Variants in TNFRSF10D observed in about 807,000 individuals in gnomAD.
TNFRSF10D encodes TNF receptor superfamily member 10d.
In TNFRSF10D, 28 loss-of-function variants were observed where a neutral mutation model predicts 42.1. That is an observed-to-expected ratio of 0.66 (90% confidence interval 0.49 to 0.91). The LOEUF is 0.91. Ranked by LOEUF, TNFRSF10D falls within the 40% of genes least tolerant of loss-of-function variation. TNFRSF10D has a pLI of 0.00. For missense variants in TNFRSF10D, 503 were observed against 486.1 expected (o/e 1.03, Z -0.33); for synonymous variants, 186 against 189.4 (o/e 0.98, Z 0.15).
intron 1 of TNFRSF10D, among the ~76,000 whole-genome samples, chr8:23,156,613 G>A (rs1428887406): frequency 6.7e-6 from 1 of 149,350 alleles, no homozygotes; most frequent in Admixed American, 6.7e-5. Context: ...CATCCAGGTT[G>A]GAGTGCAGTG....
In TNFRSF10D at chr8:23,138,023, T is replaced by G; in HGVS notation, c.1028-20A>C. ...TGCTGACTGAGAAGAGAGAAGAGAT[T>G]TAGGGTCTCAATGCTCCAAGGACGA... is the stretch of plus-strand genomic sequence containing the variant. On this transcript the variant is annotated intron_variant, in intron 8 of 8. Coordinates refer to ENST00000312584, the MANE Select transcript of TNFRSF10D (RefSeq NM_003840.5). 6.2e-7 allele frequency: 1 copy of G among 1,613,548 alleles called. No homozygotes were observed.
chr8:23,148,500 A>T lies in TNFRSF10D; in HGVS notation c.308T>A (p.Val103Glu). 10 of 1,611,314 alleles carry T rather than the reference A, an allele frequency of 6.2e-6. No individual in the cohort carries two copies. The highest frequency in any genetic ancestry group is 8.5e-6 in the Non-Finnish European group (10 of 1,178,168). The change falls in exon 3 of 9, where the codon GTG becomes GAG. Residue 103 changes from valine to glutamate, a missense_variant. By Grantham distance (121) the Val-to-Glu change is moderately radical. Coordinates refer to ENST00000312584, the MANE Select transcript of TNFRSF10D (RefSeq NM_003840.5). ...TGACNPCTEGVDYTIASNNLP... is the reference protein window; with the variant it reads ...TGACNPCTEGEDYTIASNNLP... Reference sequence around the variant, plus strand: ...ATTGTTGGAAGCAATGGTGTAATCCACACCCTCTGTGCACGGGTTACAGGC... The same window carrying T: ...ATTGTTGGAAGCAATGGTGTAATCCTCACCCTCTGTGCACGGGTTACAGGC...
rs1800414569 is a variant in TNFRSF10D at position 23,163,963 on chromosome 8, G to A, written c.-28C>T. ...GAAGGGAGGAGGGTGGATCGAAAGC[G>A]CCAAAAATCAATCAGAAATCGTCCC... On this transcript the variant is annotated 5_prime_UTR_variant, in exon 1 of 9. Transcript: ENST00000312584. The A allele has an allele frequency of 3.3e-6, 5 of 1,528,372 alleles. No individual in the cohort carries two copies. Among genetic ancestry groups the A allele is most frequent in the Non-Finnish European group, 4.4e-6 (5 of 1,142,558 alleles). The allele number at this position is 1,528,372 out of a possible 1,614,324, so 94.7% of individuals were successfully genotyped here. A position where few individuals can be genotyped will look rare whatever the true frequency, so the allele number is the denominator to read the frequency against.
intron 2 of TNFRSF10D, among the ~76,000 whole-genome samples, chr8:23,151,842 AG>A (rs1262169699): frequency 2.0e-5 from 3 of 152,232 alleles, no homozygotes; most frequent in Non-Finnish European, 1.5e-5. Flanking sequence ...AATTTAACCA[AG>A]GTGGTGGCTG....
At chr8:23,158,808 T>C (rs929785844) in intron 1 of TNFRSF10D, among the ~76,000 whole-genome samples, 5 of 152,214 alleles carry the variant, frequency 3.3e-5, no homozygotes, top group African/African-American at 7.2e-5. Flanking sequence ...AGATTTATTG[T>C]GGTATAATGG....
At chr8:23,145,128 C>A in intron 5 of TNFRSF10D, 39 bp from the exon 6 acceptor site, 1 of 1,613,020 alleles carries the variant, frequency 6.2e-7, no homozygotes, top group Non-Finnish European at 8.5e-7. Flanking sequence ...CGGGGAGGGG[C>A]CCATGCAGCA....
chr8:23,146,913 C>A (rs969874996), intron 4 of TNFRSF10D, 48 bp downstream of exon 4: 1 of 1,476,450 alleles, frequency 6.8e-7, no homozygotes, highest in Non-Finnish European at 9.5e-7. Flanking sequence ...TGAATCAGGT[C>A]TTTTCAGGTT....
At chr8:23,144,773 C>T (rs1800090411) in intron 6 of TNFRSF10D, 138 bp from the exon 7 acceptor site, 10 of 1,123,020 alleles carry the variant, frequency 8.9e-6, no homozygotes, top group Non-Finnish European at 1.3e-5. Context: ...CATCCAGGAC[C>T]CCATGCTGAG....
chr8:23,163,672 T>G (rs996364999), intron 1 of TNFRSF10D, 114 bp downstream of exon 1: 6 of 1,488,300 alleles, frequency 4.0e-6, no homozygotes, highest in South Asian at 1.2e-5. Flanking sequence ...TGCCCAGACA[T>G]GCCCGGCCGC....
chr8:23,155,702 A>AAAAAAAAACAAAAAACAAAAAAC (rs1800268047), intron 1 of TNFRSF10D, among the ~76,000 whole-genome samples: 1 of 151,816 alleles, frequency 6.6e-6, no homozygotes, highest in African/African-American at 2.4e-5. Context: ...TCTGTCTCAA[A>AAAAAAAAACAAAAAACAAAAAAC]AAAAAAAACA....
chr8:23,158,791 T>A (rs538715709), intron 1 of TNFRSF10D, among the ~76,000 whole-genome samples: 940 of 152,262 alleles, frequency 6.2e-3, no homozygotes, highest in African/African-American at 0.019. Context: ...GAAGGTTTTT[T>A]TAAAATAGAT....
chr8:23,160,714 A>G (rs996607661), intron 1 of TNFRSF10D, among the ~76,000 whole-genome samples: 1 of 152,068 alleles, frequency 6.6e-6, no homozygotes, highest in East Asian at 1.9e-4. Flanking sequence ...GAGCCTCGCT[A>G]CCCTGCCACT....
chr8:23,148,163 T>A (rs7819711), intron 3 of TNFRSF10D, among the ~76,000 whole-genome samples: 9,564 of 150,888 alleles, frequency 0.063, 1,007 homozygotes, highest in African/African-American at 0.22. Flanking sequence ...TCACTAAACC[T>A]GGGAGGCAGA....
At chr8:23,143,371 G>A (rs1800061033) in intron 7 of TNFRSF10D, among the ~76,000 whole-genome samples, 1 of 144,628 alleles carries the variant, frequency 6.9e-6, no homozygotes, top group South Asian at 2.6e-4. Flanking sequence ...GCTTATGCCT[G>A]TAATCCCACC....
chr8:23,163,683 A>G (rs1800408250), intron 1 of TNFRSF10D, 103 bp downstream of exon 1: 1 of 1,500,114 alleles, frequency 6.7e-7, no homozygotes, highest in Non-Finnish European at 8.9e-7. Flanking sequence ...GCCCGGCCGC[A>G]GGCGACCCGG....
At chr8:23,138,849 T>A (rs1374318789) in intron 7 of TNFRSF10D, among the ~76,000 whole-genome samples, 2 of 152,214 alleles carry the variant, frequency 1.3e-5, no homozygotes, top group African/African-American at 4.8e-5. Flanking sequence ...GTGTTCTTGA[T>A]GATGAGAATT....
At chr8:23,148,336 C>T in intron 3 of TNFRSF10D, 102 bp downstream of exon 3, 1 of 722,986 alleles carries the variant, frequency 1.4e-6, no homozygotes, top group Non-Finnish European at 2.3e-6. Flanking sequence ...ATGAAGACTA[C>T]CAAGTTGGGC....
chr8:23,145,219 A>T, intron 5 of TNFRSF10D, 130 bp from the exon 6 acceptor site: 1 of 1,164,342 alleles, frequency 8.6e-7, no homozygotes, highest in African/African-American at 1.6e-5. Context: ...CTGGGGACAG[A>T]ATGGGGCCTT....
intron 2 of TNFRSF10D, among the ~76,000 whole-genome samples, chr8:23,149,189 CAAA>C (rs370400558): frequency 2.3e-5 from 2 of 85,692 alleles, no homozygotes; most frequent in Admixed American, 1.3e-4. Context: ...GACTCTGTCT[CAAA>C]AAAAAAAAAA....
Sources: allele counts gnomAD v4.1 joint callset (sites outside exome capture counted in the v4.1 genomes callset), GRCh38; gene constraint gnomAD v4.1.1; transcripts MANE v1.5; gene names NCBI Gene and HGNC (gene_info 2026-07-23, HGNC 2026-07-21).